The following SPARC variants were observed in gnomAD, a reference collection of about 807,000 sequenced individuals.
SPARC encodes the protein secreted protein acidic and cysteine rich, also known as basement-membrane protein 40.
SPARC carries 23 observed loss-of-function variants against 37.7 expected under a neutral mutation model. The observed-to-expected ratio is 0.61, with a 90% CI of 0.44 to 0.87. The LOEUF (loss-of-function observed/expected upper bound fraction) is 0.87. Ranked by LOEUF, SPARC falls within the 40% of genes least tolerant of loss-of-function variation. The pLI is 0.00. For missense variants in SPARC, 312 were observed against 389.0 expected (o/e 0.80, Z 1.66); for synonymous variants, 155 against 150.8 (o/e 1.03, Z -0.20).
chr5:151,685,641 A>C (rs1014717250), intron 1 of SPARC, among the ~76,000 whole-genome samples: 2 of 152,174 alleles, frequency 1.3e-5, no homozygotes, highest in African/African-American at 4.8e-5. Flanking sequence ...CACTTACCTA[A>C]GATCACACAT....
rs193145108 is a variant in SPARC at position 151,667,370 on chromosome 5, C to T, written c.585+97G>A. 80 of 1,432,392 alleles carry T rather than the reference C, an allele frequency of 5.6e-5. No individual in the cohort carries two copies. The African/African-American group carries it at 5.7e-4, about 10-fold the overall frequency. The allele number at this position is 1,432,392 out of a possible 1,614,324, so 88.7% of individuals were successfully genotyped here. A position where few individuals can be genotyped will look rare whatever the true frequency, so the allele number is the denominator to read the frequency against. On this transcript the variant is annotated intron_variant, in intron 7 of 9. Coordinates refer to ENST00000231061, the MANE Select transcript of SPARC (RefSeq NM_003118.4). ...GGTGCTCAGGGGTAAATGCACGCTCCGGAGCAGGATGCCGCCCTGCAGCTG... is the reference window on the plus strand; with the variant it reads ...GGTGCTCAGGGGTAAATGCACGCTCTGGAGCAGGATGCCGCCCTGCAGCTG...
rs1055210 is a variant in SPARC at position 151,662,885 on chromosome 5, A to G, written c.*686T>C. 1 of 152,320 alleles carries G rather than the reference A, an allele frequency of 6.6e-6. No homozygotes were observed. The highest frequency in any genetic ancestry group is 2.4e-5 in the African/African-American group (1 of 41,466). 9.4% of individuals were successfully genotyped at this position (152,320 alleles called of 1,614,324 possible). A position where few individuals can be genotyped will look rare whatever the true frequency, so the allele number is the denominator to read the frequency against. On this transcript the variant is annotated 3_prime_UTR_variant, in exon 10 of 10. Coordinates refer to ENST00000231061, the MANE Select transcript of SPARC (RefSeq NM_003118.4). ...CAGAGAACTGACAGTCCGTGCTCCC[A>G]AAAGTTTGAACCAACAGCCTAATGT...
At chr5:151,682,908 G>A (rs2113120871) in intron 1 of SPARC, among the ~76,000 whole-genome samples, 1 of 152,318 alleles carries the variant, frequency 6.6e-6, no homozygotes, top group East Asian at 1.9e-4. Context: ...AACAATTGTT[G>A]TCTATGTTCA....
At chr5:151,663,687 C>T in intron 9 of SPARC, 88 bp from the exon 10 acceptor site, 1 of 1,364,694 alleles carries the variant, frequency 7.3e-7, no homozygotes, top group South Asian at 1.2e-5. Flanking sequence ...CCCACCCATC[C>T]CCAGGGGCAG....
intron 1 of SPARC, chr5:151,679,202 TAC>T (rs1760928114): frequency 6.6e-6 from 1 of 152,220 alleles, no homozygotes; most frequent in Admixed American, 6.5e-5. Flanking sequence ...TGATGATGCA[TAC>T]ATTTATCATT....
chr5:151,666,474 C>T lies in SPARC; in HGVS notation c.621G>A (p.Glu207=), dbSNP rs1581520154. 4 of 1,614,052 alleles carry T rather than the reference C, an allele frequency of 2.5e-6. No homozygotes were observed. Among genetic ancestry groups the T allele is most frequent in the East Asian group, 2.2e-5 (1 of 44,900 alleles). The part of the protein sequence containing the change: ...KKIHENEKRL[E]AGDHPVELLA... ...GCAGCTCCACGGGGTGGTCTCCTGC[C>T]TCCAGGCGCTTCTCATTCTCATGGA... is the stretch of plus-strand genomic sequence containing the variant. Residue 207 remains glutamate (E), a synonymous_variant, in exon 8 of 10, where the codon GAG becomes GAA. Transcript: ENST00000231061.
intron 3 of SPARC, 44 bp from the exon 4 acceptor site, chr5:151,673,260 TC>T: frequency 7.5e-7 from 1 of 1,333,352 alleles, no homozygotes; most frequent in Non-Finnish European, 1.1e-6. Context: ...CCCACTCCCA[TC>T]CCAGACCCAT....
At chr5:151,671,552 C>A in intron 5 of SPARC, 21 bp downstream of exon 5, 1 of 1,547,456 alleles carries the variant, frequency 6.5e-7, no homozygotes, top group Non-Finnish European at 8.7e-7. Context: ...CTTCCCCCTG[C>A]CCCTGTCTCT....
chr5:151,674,959 T>C (rs1760825166), intron 2 of SPARC, among the ~76,000 whole-genome samples: 1 of 152,232 alleles, frequency 6.6e-6, no homozygotes, highest in Admixed American at 6.5e-5. Context: ...TTTGAATTCT[T>C]ATAAAGTCTG....
At position 151,676,152 on chromosome 5, in the gene SPARC, C is replaced by A; in HGVS notation, c.37G>T (p.Gly13Trp). 6.2e-7 allele frequency: 1 copy of A among 1,612,142 alleles called. No individual in the cohort carries two copies. The highest frequency in any genetic ancestry group is 1.1e-5 in the South Asian group (1 of 90,288). ...AWIFFLLCLAGRALAAPQQEA... is the reference protein window; with the variant it reads ...AWIFFLLCLAWRALAAPQQEA... ...CTTACAGGGGCTGCCAAGGCCCTCC[C>A]GGCCAGGCAAAGGAGAAAGAAGATC... The change falls in exon 2 of 10, where the codon GGG (glycine) becomes TGG (tryptophan). Residue 13 changes from glycine (G) to tryptophan (W), a missense_variant. Physicochemically the swap from Gly to Trp is radical, Grantham distance 184. Transcript: ENST00000231061.
At chr5:151,663,686 C>T in intron 9 of SPARC, 87 bp from the exon 10 acceptor site, 1 of 1,360,594 alleles carries the variant, frequency 7.3e-7, no homozygotes, top group South Asian at 1.2e-5. Context: ...TCCCACCCAT[C>T]CCCAGGGGCA....
At chr5:151,675,558 T>G (rs374352795) in intron 2 of SPARC, among the ~76,000 whole-genome samples, 19 of 152,322 alleles carry the variant, frequency 1.2e-4, no homozygotes, top group African/African-American at 4.6e-4. Context: ...CTGGAGTTGA[T>G]TCATTCAGAC....
At position 151,663,382 on chromosome 5, in the gene SPARC, A is replaced by G. The variant is rs1257329043; in HGVS notation, c.*189T>C. 9 of 622,292 alleles carry G rather than the reference A, an allele frequency of 1.4e-5. No homozygotes were observed. The highest frequency in any genetic ancestry group is 3.7e-4 in the Middle Eastern group (1 of 2,710). The allele number at this position is 622,292 out of a possible 1,614,324, so 38.5% of individuals were successfully genotyped here. A position where few individuals can be genotyped will look rare whatever the true frequency, so the allele number is the denominator to read the frequency against. On this transcript the variant is annotated 3_prime_UTR_variant, in exon 10 of 10. Transcript: ENST00000231061. Reference sequence around the variant, plus strand: ...GCGTGTGGAAAAGGCCTTAATAGTTAAGTTACAGCTAAGAATGTCATGTCT... The same window carrying G: ...GCGTGTGGAAAAGGCCTTAATAGTTGAGTTACAGCTAAGAATGTCATGTCT...
At position 151,667,547 on chromosome 5, in the gene SPARC, C is replaced by T. The variant is rs707157; in HGVS notation, c.505G>A (p.Asp169Asn). The T allele has an allele frequency of 6.2e-7, 1 of 1,614,166 alleles. No homozygotes were observed. Among genetic ancestry groups the T allele is most frequent in the Non-Finnish European group, 8.5e-7 (1 of 1,180,022 alleles). Residue 169 changes from aspartate to asparagine, a missense_variant, in exon 7 of 10, where the codon GAC (aspartate) becomes AAC (asparagine). By Grantham distance (23) the Asp-to-Asn change is conservative. Transcript: ENST00000231061. ...ELTEFPLRMR[D>N]WLKNVLVTLY... Reference sequence around the variant, plus strand: ...GTGACCAGGACGTTCTTGAGCCAGTCCCGCATGCGCAGGGGGAATTCGGTC... The same window carrying T: ...GTGACCAGGACGTTCTTGAGCCAGTTCCGCATGCGCAGGGGGAATTCGGTC...
rs760943159 is a variant in SPARC, at chr5:151,671,624, G to A, written c.279C>T (p.Cys93=). 2.1e-5 allele frequency: 34 copies of A among 1,605,202 alleles called. No individual in the cohort carries two copies. The highest frequency in any genetic ancestry group is 1.0e-4 in the Admixed American group (6 of 59,184). ...CELDENNTPM[C]VCQDPTSCPA... ...GGCAGCTGGTGGGGTCCTGGCACAC[G>A]CACATGGGGGTGTTGTTCTCATCCA... Residue 93 remains cysteine, a synonymous_variant, in exon 5 of 10, where the codon TGC becomes TGT. Transcript: ENST00000231061.
In SPARC at chr5:151,673,104, G is replaced by A. The variant is rs1303663544; in HGVS notation, c.208+25C>T. On this transcript the variant is annotated intron_variant, in intron 4 of 9. Coordinates refer to ENST00000231061, the MANE Select transcript of SPARC (RefSeq NM_003118.4). ...AGGCAGCCAAGGGCAGCTTGGATGT[G>A]CCAAGTTACAGGGAAGGGACATACT... is the stretch of plus-strand genomic sequence containing the variant. The A allele has an allele frequency of 5.7e-6, 9 of 1,576,616 alleles. No homozygotes were observed. The East Asian group carries it at 2.0e-4, about 35-fold the overall frequency.
intron 1 of SPARC, among the ~76,000 whole-genome samples, chr5:151,678,275 C>T (rs867156967): frequency 1.1e-4 from 16 of 152,208 alleles, no homozygotes; most frequent in Middle Eastern, 3.4e-3. Flanking sequence ...CCTGAGTCTG[C>T]GTCCTTCATA....
chr5:151,678,598 G>A (rs1760914753), intron 1 of SPARC, among the ~76,000 whole-genome samples: 1 of 152,168 alleles, frequency 6.6e-6, no homozygotes, highest in South Asian at 2.1e-4. Context: ...AGGTTGAGAG[G>A]GAGGAAGCAC....
At chr5:151,686,057 CT>C (rs1015437777) in intron 1 of SPARC, 1 of 152,242 alleles carries the variant, frequency 6.6e-6, no homozygotes, top group Non-Finnish European at 1.5e-5. Flanking sequence ...TCCCTTCCCC[CT>C]TTCCCCCTTC....
Sources: allele counts gnomAD v4.1 joint callset (sites outside exome capture counted in the v4.1 genomes callset), GRCh38; gene constraint gnomAD v4.1.1; transcripts MANE v1.5; gene names NCBI Gene and HGNC (gene_info 2026-07-23, HGNC 2026-07-21).